MYH9: variants seen among roughly 807,000 people sequenced by gnomAD.
MYH9 encodes the protein myosin heavy chain 9, also known as myosin-9.
In MYH9, 29 loss-of-function variants were observed where a neutral mutation model predicts 241.9. That is an observed-to-expected ratio of 0.12 (90% CI 0.09 to 0.16). MYH9 has a LOEUF of 0.16. Ranked by LOEUF, MYH9 falls within the 10% of genes least tolerant of loss-of-function variation. The pLI is 1.00. For missense variants in MYH9, 1,803 were observed against 2,595.5 expected, an observed-to-expected ratio of 0.69 and a Z score of 6.63; for synonymous variants, 1,047 against 1,062.6, an observed-to-expected ratio of 0.99 and a Z score of 0.29.
chr22:36,306,105 A>C lies in MYH9; in HGVS notation c.2038-54T>G. ...TCACTTCCGTGCCTAGAACAGTCGG[A>C]GAATAGTCAGGGAACCCCTATGAAC... is the stretch of plus-strand genomic sequence containing the variant. On this transcript the variant is annotated intron_variant, in intron 16 of 40. Coordinates refer to ENST00000216181, the MANE Select transcript of MYH9 (RefSeq NM_002473.6). The surrounding 1 kb of genome is among the most constrained non-coding windows in gnomAD (Gnocchi z 4.1). 1.2e-6 allele frequency: 2 copies of C among 1,608,416 alleles called. No individual in the cohort carries two copies. Among genetic ancestry groups the C allele is most frequent in the East Asian group, 2.2e-5 (1 of 44,870 alleles).
At chr22:36,353,009 G>T (rs35938088) in intron 1 of MYH9, among the ~76,000 whole-genome samples, 107 of 152,086 alleles carry the variant, frequency 7.0e-4, no homozygotes, top group African/African-American at 2.4e-3. Flanking sequence ...AGCCCCCTCG[G>T]CCACCTGGGC....
rs200820677 is a variant in MYH9 at position 36,288,950 on chromosome 22, G to T, written c.4558-11C>A. 9 of 1,613,644 alleles carry T rather than the reference G, an allele frequency of 5.6e-6. No homozygotes were observed. The Admixed American group carries it at 1.0e-4, about 18-fold the overall frequency. ...CTCCAGCTCGTGGACCTGAGCCCCA[G>T]AGAGCCCAAGTCAGGAGCAAAGGGA... is the stretch of plus-strand genomic sequence containing the variant. On this transcript the variant is annotated splice_polypyrimidine_tract_variant and intron_variant, in intron 32 of 40. Coordinates refer to ENST00000216181, the MANE Select transcript of MYH9 (RefSeq NM_002473.6). The surrounding 1 kb of genome is among the most constrained non-coding windows in gnomAD (Gnocchi z 4.8).
At chr22:36,336,284 T>C (rs1393219997) in intron 3 of MYH9, among the ~76,000 whole-genome samples, 1 of 152,260 alleles carries the variant, frequency 6.6e-6, no homozygotes, top group Non-Finnish European at 1.5e-5. Context: ...CAGTGAGTTC[T>C]CCTGTAGAGA....
Position 36,306,340 on chromosome 22 carries a change from C to G in MYH9, c.2037+74G>C. On this transcript the variant is annotated intron_variant, in intron 16 of 40. Transcript: ENST00000216181. The surrounding 1 kb of genome is among the most constrained non-coding windows in gnomAD (Gnocchi z 4.1). ...CTGGGGGGCTGGAGGGGTGCTTTTGCTGGGGAGACAGACAAGGGCTGAGCA... is the reference window on the plus strand; with the variant it reads ...CTGGGGGGCTGGAGGGGTGCTTTTGGTGGGGAGACAGACAAGGGCTGAGCA... 3.2e-6 allele frequency: 5 copies of G among 1,579,678 alleles called. No homozygotes were observed. The South Asian group carries it at 5.6e-5, about 18-fold the overall frequency.
chr22:36,370,058 GACAGATAAA>G (rs1247162274), intron 1 of MYH9, among the ~76,000 whole-genome samples: 1 of 152,164 alleles, frequency 6.6e-6, no homozygotes, highest in Non-Finnish European at 1.5e-5. Context: ...ATAAATTGTG[GACAGATAAA>G]ACATATAAAC....
chr22:36,286,206 A>C (rs1201593112), intron 35 of MYH9, among the ~76,000 whole-genome samples: 1 of 152,336 alleles, frequency 6.6e-6, no homozygotes. Flanking sequence ...ATAAGTAAGA[A>C]GTGTCCTGGC....
intron 1 of MYH9, 48 bp downstream of exon 1, chr22:36,387,759 C>G (rs934392676): frequency 6.6e-6 from 1 of 151,994 alleles, no homozygotes; most frequent in Non-Finnish European, 1.5e-5. Flanking sequence ...CGCCCCCGCC[C>G]GCCCGCCGCC....
intron 1 of MYH9, among the ~76,000 whole-genome samples, chr22:36,377,860 G>C (rs868555013): frequency 2.6e-5 from 4 of 152,142 alleles, no homozygotes; most frequent in Non-Finnish European, 4.4e-5. Context: ...GCAATGAGCC[G>C]AGATGGTGCC....
Position 36,293,689 on chromosome 22 carries a change from G to C in MYH9, c.3942+70C>G. The C allele has an allele frequency of 7.0e-7, 1 of 1,433,240 alleles. No homozygotes were observed. The highest frequency in any genetic ancestry group is 2.3e-5 in the East Asian group (1 of 43,364). 88.8% of individuals were successfully genotyped at this position (1,433,240 alleles called of 1,614,324 possible). ...GATGGGCAATCCGATGGGCTCTGAAGCTAATGTTGCGTGGACACAGAGGCC... is the reference window on the plus strand; with the variant it reads ...GATGGGCAATCCGATGGGCTCTGAACCTAATGTTGCGTGGACACAGAGGCC... On this transcript the variant is annotated intron_variant, in intron 29 of 40. Coordinates refer to ENST00000216181, the MANE Select transcript of MYH9 (RefSeq NM_002473.6). The surrounding 1 kb of genome is among the most constrained non-coding windows in gnomAD (Gnocchi z 5.1).
intron 1 of MYH9, among the ~76,000 whole-genome samples, chr22:36,374,457 T>C (rs1178229882): frequency 1.3e-5 from 2 of 152,074 alleles, no homozygotes; most frequent in South Asian, 2.1e-4. Flanking sequence ...GAGGCGGAGG[T>C]TGCAGTGAGC....
chr22:36,304,447 A>C (rs2016937500), intron 18 of MYH9, among the ~76,000 whole-genome samples: 1 of 152,226 alleles, frequency 6.6e-6, no homozygotes, highest in South Asian at 2.1e-4. Flanking sequence ...ACGTGAAGTA[A>C]AACAAGGCCA....
intron 2 of MYH9, among the ~76,000 whole-genome samples, chr22:36,343,727 G>C (rs144472592): frequency 6.6e-6 from 1 of 152,228 alleles, no homozygotes; most frequent in African/African-American, 2.4e-5. Flanking sequence ...GTGTAAACAC[G>C]GTATTGGCAA....
chr22:36,288,317 C>G lies in MYH9; in HGVS notation c.4867G>C (p.Glu1623Gln). 6.2e-7 allele frequency: 1 copy of G among 1,614,138 alleles called. No homozygotes were observed. The highest frequency in any genetic ancestry group is 8.5e-7 in the Non-Finnish European group (1 of 1,180,028). The change falls in exon 34 of 41, where the codon GAG becomes CAG. Residue 1623 changes from glutamate (E) to glutamine (Q), a missense_variant. By Grantham distance (29) the Glu-to-Gln change is conservative. This residue lies in a region of MYH9 where 876 missense variants were observed against 1,077.8 expected (regional missense o/e 0.81). Transcript: ENST00000216181. The surrounding 1 kb of genome is among the most constrained non-coding windows in gnomAD (Gnocchi z 4.8). ...KKLEMDLKDL[E>Q]AHIDSANKNR... ...TTGTTGGCCGAGTCGATGTGCGCCT[C>G]CAGGTCCTTCAGGTCCATCTCCAGC...
intron 1 of MYH9, among the ~76,000 whole-genome samples, chr22:36,372,586 G>A (rs1040238118): frequency 1.3e-5 from 2 of 152,078 alleles, no homozygotes; most frequent in African/African-American, 2.4e-5. Flanking sequence ...AATCATGGGA[G>A]GTATTAAGGA....
rs555018535 is a variant in MYH9, at chr22:36,386,106, T to A, written c.-20+1701A>T. ...GGGCAGAGGCAGGGCCCCGGGGATT[T>A]CACAGGGCAGTCTGGCTCCCTTCTC... On this transcript the variant is annotated intron_variant, in intron 1 of 40. Transcript: ENST00000216181. Among the ~76,000 whole-genome samples the A allele has an allele frequency of 2.0e-5, 3 of 152,278 alleles. No homozygotes were observed. The South Asian group carries it at 6.2e-4, about 32-fold the overall frequency.
At chr22:36,366,144 T>C (rs1366761108) in intron 1 of MYH9, among the ~76,000 whole-genome samples, 1 of 152,102 alleles carries the variant, frequency 6.6e-6, no homozygotes, top group Non-Finnish European at 1.5e-5. Context: ...GCCAAGATCC[T>C]GCCACTGCAC....
chr22:36,371,623 C>T lies in MYH9; in HGVS notation c.-20+16184G>A, dbSNP rs112442118. Among the ~76,000 whole-genome samples the T allele has an allele frequency of 2.4e-3, 370 of 152,296 alleles. 2 individuals are homozygous for T. The highest frequency in any genetic ancestry group is 8.4e-3 in the African/African-American group (350 of 41,560). On this transcript the variant is annotated intron_variant, in intron 1 of 40. Transcript: ENST00000216181. ...CCATCTCGGCTCACTGCAACCTCTG[C>T]CTCCCAGGTTCATGCGATTCTTCCT...
At chr22:36,380,048 C>T (rs2018232243) in intron 1 of MYH9, among the ~76,000 whole-genome samples, 1 of 152,226 alleles carries the variant, frequency 6.6e-6, no homozygotes, top group South Asian at 2.1e-4. Context: ...ATACAGGCCG[C>T]CCGCCCATGC....
At chr22:36,319,809 G>A (rs979289782) in intron 9 of MYH9, 174 bp from the exon 10 acceptor site, 4 of 696,912 alleles carry the variant, frequency 5.7e-6, no homozygotes, top group Non-Finnish European at 1.0e-5. Flanking sequence ...GGTGGGCCCA[G>A]CCACCCTAGA....
Sources: allele counts gnomAD v4.1 joint callset (sites outside exome capture counted in the v4.1 genomes callset), GRCh38; gene constraint gnomAD v4.1.1; regional missense constraint gnomAD v4.1.1; non-coding constraint Gnocchi (gnomAD v3.1); transcripts MANE v1.5; gene names NCBI Gene and HGNC (gene_info 2026-07-23, HGNC 2026-07-21).